Variants in BICRAL observed in about 807,000 individuals in gnomAD.
BICRAL encodes the protein BICRA like chromatin remodeling complex associated protein.
Under a neutral mutation model 91.8 loss-of-function variants are expected in BICRAL, and 8 were observed. That is an observed-to-expected ratio of 0.09 (90% CI 0.05 to 0.16). The LOEUF is 0.16. BICRAL is among the 10% of genes least tolerant of loss of function. The pLI, the probability that BICRAL is intolerant of heterozygous loss-of-function variation, is 1.00. For synonymous variants in BICRAL, 445 were observed against 491.1 expected, an observed-to-expected ratio of 0.91 and a Z score of 1.24; for missense variants, 1,038 against 1,310.9, an observed-to-expected ratio of 0.79 and a Z score of 3.21.
chr6:42,752,653 G>A (rs1762397186), intron 1 of BICRAL, among the ~76,000 whole-genome samples: 1 of 152,034 alleles, frequency 6.6e-6, no homozygotes, highest in African/African-American at 2.4e-5. Context: ...TCCCAGGCTG[G>A]AGTGCAGTGG....
intron 1 of BICRAL, among the ~76,000 whole-genome samples, chr6:42,787,926 C>T (rs971700882): frequency 1.3e-5 from 2 of 149,928 alleles, no homozygotes; most frequent in Non-Finnish European, 3.0e-5. Context: ...CAAGATGTCA[C>T]TCAGTCATCC....
chr6:42,860,762 G>A (rs1002036706), intron 11 of BICRAL, among the ~76,000 whole-genome samples: 9 of 152,220 alleles, frequency 5.9e-5, no homozygotes, highest in African/African-American at 2.2e-4. Flanking sequence ...GAACAGATAA[G>A]CTGGTGACAA....
chr6:42,757,609 A>G (rs947771899), intron 1 of BICRAL, among the ~76,000 whole-genome samples: 1 of 151,318 alleles, frequency 6.6e-6, no homozygotes, highest in African/African-American at 2.4e-5. Flanking sequence ...AAGATCTCGA[A>G]CTCCTGGCCT....
intron 2 of BICRAL, among the ~76,000 whole-genome samples, chr6:42,816,623 G>C (rs1337486772): frequency 6.6e-6 from 1 of 151,996 alleles, no homozygotes; most frequent in Non-Finnish European, 1.5e-5. Flanking sequence ...ACTTCATTTT[G>C]TGTCCTTCTT....
intron 1 of BICRAL, among the ~76,000 whole-genome samples, chr6:42,790,248 C>G (rs1016282692): frequency 6.6e-6 from 1 of 152,000 alleles, no homozygotes; most frequent in Non-Finnish European, 1.5e-5. Context: ...GCCTGGACCT[C>G]CTGGGATCAA....
At chr6:42,810,265 A>G (rs530004356) in intron 1 of BICRAL, 41 bp from the exon 2 acceptor site, 3 of 152,328 alleles carry the variant, frequency 2.0e-5, no homozygotes, top group African/African-American at 7.2e-5. Flanking sequence ...TTTCTCCCCA[A>G]ATGGATATAA....
chr6:42,787,821 T>G (rs1763143331), intron 1 of BICRAL, among the ~76,000 whole-genome samples: 1 of 152,032 alleles, frequency 6.6e-6, no homozygotes, highest in African/African-American at 2.4e-5. Context: ...AGGGAAATTT[T>G]GCTGCTGTAA....
upstream of BICRAL, among the ~76,000 whole-genome samples, chr6:42,780,958 A>G (rs1762891237): frequency 6.6e-6 from 1 of 152,066 alleles, no homozygotes; most frequent in Admixed American, 6.6e-5. Context: ...ACTGGTCTCG[A>G]ACTGCTGACC....
At chr6:42,792,662 C>CG (rs1763305886) in intron 1 of BICRAL, among the ~76,000 whole-genome samples, 1 of 122 alleles carries the variant, frequency 8.2e-3, no homozygotes, top group South Asian at 0.1. Context: ...GCTTGTAATC[C>CG]CGCACTTTGG....
intron 1 of BICRAL, among the ~76,000 whole-genome samples, chr6:42,806,451 A>C (rs1763708654): frequency 1.3e-5 from 2 of 151,734 alleles, no homozygotes; most frequent in Non-Finnish European, 2.9e-5. Context: ...GGCTCAAGCA[A>C]TCCTCTCACC....
intron 6 of BICRAL, 51 bp downstream of exon 6, chr6:42,830,223 G>T: frequency 6.4e-7 from 1 of 1,566,694 alleles, no homozygotes; most frequent in Non-Finnish European, 8.7e-7. Flanking sequence ...ATGGAAAAAT[G>T]AGATGTGTAT....
intron 6 of BICRAL, among the ~76,000 whole-genome samples, chr6:42,850,434 C>T (rs1422158954): frequency 2.0e-5 from 3 of 151,802 alleles, no homozygotes; most frequent in East Asian, 1.9e-4. Context: ...GCAGGAGAAT[C>T]ACTTGAACCT....
chr6:42,843,159 C>T (rs1423369166), intron 6 of BICRAL, among the ~76,000 whole-genome samples: 1 of 135,832 alleles, frequency 7.4e-6, no homozygotes, highest in Non-Finnish European at 1.6e-5. Flanking sequence ...CCAGGCAACA[C>T]AGTATTTTAA....
At chr6:42,856,624 T>G (rs931338075) in intron 9 of BICRAL, among the ~76,000 whole-genome samples, 2 of 152,074 alleles carry the variant, frequency 1.3e-5, no homozygotes, top group Non-Finnish European at 2.9e-5. Flanking sequence ...TCCACCCACC[T>G]CAGCCTCCCA....
chr6:42,756,147 T>C (rs1300501548), intron 1 of BICRAL, among the ~76,000 whole-genome samples: 3 of 152,246 alleles, frequency 2.0e-5, no homozygotes, highest in Admixed American at 6.5e-5. Context: ...ACATTTGCTG[T>C]GTCCAGTTTC....
At chr6:42,759,063 C>A (rs559324179) in intron 1 of BICRAL, among the ~76,000 whole-genome samples, 1 of 152,214 alleles carries the variant, frequency 6.6e-6, no homozygotes, top group Non-Finnish European at 1.5e-5. Context: ...TTGAATAAAT[C>A]TGAATCTCTG....
At chr6:42,833,813 A>G (rs1165865250) in intron 6 of BICRAL, among the ~76,000 whole-genome samples, 1 of 152,048 alleles carries the variant, frequency 6.6e-6, no homozygotes, top group East Asian at 1.9e-4. Flanking sequence ...TTTGTCTTTC[A>G]TGCTATTAAT....
At chr6:42,769,626 C>A (rs990359328) in intron 1 of BICRAL, among the ~76,000 whole-genome samples, 1 of 152,176 alleles carries the variant, frequency 6.6e-6, no homozygotes, top group African/African-American at 2.4e-5. Context: ...ACTGTCTGGG[C>A]TGGAGAAGCC....
intron 6 of BICRAL, among the ~76,000 whole-genome samples, chr6:42,840,989 A>G (rs1042894570): frequency 1.4e-4 from 21 of 148,328 alleles, no homozygotes; most frequent in Middle Eastern, 3.4e-3. Context: ...GGCACAAGAT[A>G]GCTTTAACCC....
Sources: allele counts gnomAD v4.1 joint callset (sites outside exome capture counted in the v4.1 genomes callset), GRCh38; gene constraint gnomAD v4.1.1; transcripts MANE v1.5; gene names NCBI Gene and HGNC (gene_info 2026-07-23, HGNC 2026-07-21).